NEDD4: variants seen among roughly 807,000 people sequenced by gnomAD.
NEDD4 encodes NEDD4 E3 ubiquitin protein ligase.
A neutral mutation model predicts 144.9 loss-of-function variants in NEDD4; 99 were observed. That is an observed-to-expected ratio of 0.68 (90% CI 0.58 to 0.81). The LOEUF is 0.81. Ranked by LOEUF, NEDD4 falls within the 30% of genes least tolerant of loss-of-function variation. NEDD4 has a pLI of 0.00. For missense variants in NEDD4, 985 were observed against 1,065.9 expected (o/e 0.92, Z 1.06); for synonymous variants, 318 against 350.6 (o/e 0.91, Z 1.04).
intron 11 of NEDD4, 101 bp downstream of exon 11, chr15:55,860,306 T>G (rs1283159400): frequency 3.4e-6 from 4 of 1,167,206 alleles, no homozygotes; most frequent in Non-Finnish European, 4.9e-6. Flanking sequence ...TTACATATTA[T>G]TGCATTTAAG....
rs1450477581 is a variant in NEDD4 at position 55,914,827 on chromosome 15, T to G, written c.291+9819A>C. Among the ~76,000 whole-genome samples the G allele has an allele frequency of 2.0e-5, 3 of 151,962 alleles. No individual in the cohort carries two copies. In the East Asian group the frequency reaches 5.8e-4, roughly 29 times the overall value. ...ATGGGTTTTTGTTTAATATTTTAAATAAGCATTCTAAATTTTACTCTATTT... is the reference window on the plus strand; with the variant it reads ...ATGGGTTTTTGTTTAATATTTTAAAGAAGCATTCTAAATTTTACTCTATTT... On this transcript the variant is annotated intron_variant, in intron 5 of 28. Transcript: ENST00000435532.
chr15:55,869,701 T>C lies in NEDD4; in HGVS notation c.405-20A>G. On this transcript the variant is annotated intron_variant, in intron 7 of 28. Transcript: ENST00000435532. The stretch of plus-strand genomic sequence containing the variant: ...TTGTGACTGTAGAAAAGAAAATAAA[T>C]ATTCATAAAACTTTAACACCGGGAG... 1 of 1,418,620 alleles carries C rather than the reference T, an allele frequency of 7.0e-7. No homozygotes were observed. The highest frequency in any genetic ancestry group is 9.7e-7 in the Non-Finnish European group (1 of 1,031,432). 87.9% of individuals were successfully genotyped at this position (1,418,620 alleles called of 1,614,324 possible).
At chr15:55,871,267 G>A (rs560443925) in intron 7 of NEDD4, among the ~76,000 whole-genome samples, 1 of 152,306 alleles carries the variant, frequency 6.6e-6, no homozygotes, top group Admixed American at 6.5e-5. Flanking sequence ...CTCTACAATT[G>A]TATGTTTCAT....
At chr15:55,833,209 C>A in intron 26 of NEDD4, 105 bp from the exon 27 acceptor site, 4 of 689,938 alleles carry the variant, frequency 5.8e-6, no homozygotes, top group Non-Finnish European at 2.4e-6. Flanking sequence ...TAATCCCTTA[C>A]TAGATGTGGA....
chr15:55,850,740 G>T lies in NEDD4; in HGVS notation c.1149C>A (p.Ala383=), dbSNP rs769165881. Residue 383 remains alanine, a splice_region_variant and synonymous_variant, in exon 14 of 29, where the codon GCC becomes GCA. Coordinates refer to ENST00000435532, the MANE Select transcript of NEDD4 (RefSeq NM_006154.4). The part of the protein sequence containing the change: ...TTTWTKPTVQ[A]TVETSQLTSS... Reference sequence around the variant, plus strand: ...AGGTCAGCTGACTGGTCTCCACTGTGGCCTAGCACATTAATGAAATCATAT... The same window carrying T: ...AGGTCAGCTGACTGGTCTCCACTGTTGCCTAGCACATTAATGAAATCATAT... 6.2e-7 allele frequency: 1 copy of T among 1,610,930 alleles called. No individual in the cohort carries two copies. The highest frequency in any genetic ancestry group is 8.5e-7 in the Non-Finnish European group (1 of 1,179,132).
At chr15:55,923,829 A>T (rs1555404602) in intron 5 of NEDD4, among the ~76,000 whole-genome samples, 1 of 143,692 alleles carries the variant, frequency 7.0e-6, no homozygotes, top group Non-Finnish European at 1.6e-5. Context: ...CTAAAAACAG[A>T]CTTTTTTTTA....
chr15:55,940,685 G>T (rs1386129321), intron 4 of NEDD4, among the ~76,000 whole-genome samples: 2 of 151,988 alleles, frequency 1.3e-5, no homozygotes, highest in Non-Finnish European at 2.9e-5. Context: ...GTGCCACCAT[G>T]CCTTGTGAAG....
intron 1 of NEDD4, among the ~76,000 whole-genome samples, chr15:55,967,802 C>G (rs1332217635): frequency 1.3e-5 from 2 of 152,080 alleles, no homozygotes; most frequent in Non-Finnish European, 2.9e-5. Flanking sequence ...GAGAGAATTG[C>G]TTGAGCCCAG....
Position 55,830,548 on chromosome 15 carries a change from C to G in NEDD4, c.2566G>C (p.Gly856Arg). The change falls in exon 28 of 29, where the codon GGT becomes CGT. Residue 856 changes from glycine (G) to arginine (R), a missense_variant. Gly to Arg is a moderately radical substitution (Grantham distance 125, BLOSUM62 -2). Coordinates refer to ENST00000435532, the MANE Select transcript of NEDD4 (RefSeq NM_006154.4). ...GPQSFTVEQWGTPEKLPRAHT... is the reference protein window; with the variant it reads ...GPQSFTVEQWRTPEKLPRAHT... ...GCTCTTGGCAGCTTTTCAGGAGTAC[C>G]CCACTGTTCAACTGTAAATGACTGT... 6.2e-7 allele frequency: 1 copy of G among 1,614,046 alleles called. No individual in the cohort carries two copies. Among genetic ancestry groups the G allele is most frequent in the East Asian group, 2.2e-5 (1 of 44,886 alleles).
At chr15:55,936,027 T>C (rs564084129) in intron 4 of NEDD4, among the ~76,000 whole-genome samples, 4 of 152,130 alleles carry the variant, frequency 2.6e-5, no homozygotes, top group African/African-American at 9.6e-5. Flanking sequence ...CCTTCTTCTA[T>C]GCTTCTTATG....
chr15:55,894,325 T>C (rs1344160642), intron 5 of NEDD4, among the ~76,000 whole-genome samples: 2 of 152,254 alleles, frequency 1.3e-5, no homozygotes, highest in South Asian at 2.1e-4. Context: ...TTAGGTATTA[T>C]AAGTAATCTA....
chr15:55,923,883 T>A (rs974165325), intron 5 of NEDD4, among the ~76,000 whole-genome samples: 5 of 151,880 alleles, frequency 3.3e-5, no homozygotes, highest in Admixed American at 2.6e-4. Context: ...TGAACAAAAC[T>A]GTTTAATTTT....
chr15:55,878,069 A>G (rs1434367428), intron 5 of NEDD4, among the ~76,000 whole-genome samples: 2 of 152,202 alleles, frequency 1.3e-5, no homozygotes, highest in Non-Finnish European at 1.5e-5. Context: ...ATATTTAGAT[A>G]TAAAGATCCG....
intron 5 of NEDD4, among the ~76,000 whole-genome samples, chr15:55,886,293 G>T (rs528568271): frequency 6.6e-6 from 1 of 152,062 alleles, no homozygotes; most frequent in African/African-American, 2.4e-5. Flanking sequence ...ACAGATATCC[G>T]GACAGAAAAT....
intron 9 of NEDD4, among the ~76,000 whole-genome samples, chr15:55,861,045 T>C (rs1488651966): frequency 6.6e-6 from 1 of 152,222 alleles, no homozygotes; most frequent in Non-Finnish European, 1.5e-5. Flanking sequence ...TAGGATAATG[T>C]CCAACACATA....
At chr15:55,984,549 T>C (rs549121668) in intron 1 of NEDD4, among the ~76,000 whole-genome samples, 3 of 152,368 alleles carry the variant, frequency 2.0e-5, no homozygotes, top group African/African-American at 4.8e-5. Flanking sequence ...AGCATCTTTA[T>C]TGACGGCCAT....
At chr15:55,953,903 G>A (rs1160164904) in intron 2 of NEDD4, among the ~76,000 whole-genome samples, 3 of 152,218 alleles carry the variant, frequency 2.0e-5, no homozygotes, top group African/African-American at 7.2e-5. Flanking sequence ...TGTATTTTAA[G>A]TAGAGATTGG....
At chr15:55,945,698 C>T (rs887486363) in intron 4 of NEDD4, among the ~76,000 whole-genome samples, 1 of 151,890 alleles carries the variant, frequency 6.6e-6, no homozygotes, top group African/African-American at 2.4e-5. Context: ...AACCCCAAGA[C>T]ACATAATTGT....
intron 5 of NEDD4, among the ~76,000 whole-genome samples, chr15:55,893,135 A>G (rs758346608): frequency 1.1e-4 from 16 of 152,162 alleles, no homozygotes; most frequent in Non-Finnish European, 1.9e-4. Flanking sequence ...AGAAGCACAG[A>G]TAAGTTTAAA....
Sources: gnomAD v4.1 joint callset for allele counts (sites outside exome capture counted in the v4.1 genomes callset) on GRCh38, gnomAD v4.1.1 for gene constraint, MANE v1.5 for transcripts, NCBI Gene and HGNC (gene_info 2026-07-23, HGNC 2026-07-21) for gene names.